CTNND2: variants seen among roughly 807,000 people sequenced by gnomAD.
The protein encoded by CTNND2 is catenin delta-2.
A neutral mutation model predicts 144.4 loss-of-function variants in CTNND2; 22 were observed. That is an observed-to-expected ratio of 0.15 (90% CI 0.11 to 0.22). CTNND2 has a LOEUF of 0.22. CTNND2 is among the 10% of genes least tolerant of loss of function. The probability of loss-of-function intolerance (pLI) is 1.00; values close to 1 mark genes in which losing one functional copy is unlikely to be tolerated. For missense variants in CTNND2, 1,353 were observed against 1,618.8 expected, an observed-to-expected ratio of 0.84 and a Z score of 2.82; for synonymous variants, 751 against 695.6, an observed-to-expected ratio of 1.08 and a Z score of -1.25.
At chr5:11,111,915 C>T (rs561795448) in intron 13 of CTNND2, among the ~76,000 whole-genome samples, 15 of 150,886 alleles carry the variant, frequency 9.9e-5, no homozygotes, top group African/African-American at 2.7e-4. Context: ...GGCGCGATCT[C>T]GGCTCACTGC....
At chr5:11,308,244 A>C (rs1750458076) in intron 9 of CTNND2, among the ~76,000 whole-genome samples, 1 of 151,520 alleles carries the variant, frequency 6.6e-6, no homozygotes, top group South Asian at 2.1e-4. Context: ...TTTTTAAAGC[A>C]AGCTATCTAT....
At chr5:11,754,720 T>A (rs1788828052) in intron 1 of CTNND2, among the ~76,000 whole-genome samples, 2 of 151,856 alleles carry the variant, frequency 1.3e-5, no homozygotes, top group African/African-American at 4.8e-5. Flanking sequence ...GCCCTTTTTG[T>A]CTGTTTTGAT....
At chr5:11,881,515 G>A (rs1329792438) in intron 1 of CTNND2, among the ~76,000 whole-genome samples, 2 of 151,884 alleles carry the variant, frequency 1.3e-5, no homozygotes, top group Non-Finnish European at 2.9e-5. Flanking sequence ...TCCCACATAT[G>A]AGTAAGAACA....
At chr5:11,602,573 C>G (rs1477160611) in intron 2 of CTNND2, among the ~76,000 whole-genome samples, 1 of 151,108 alleles carries the variant, frequency 6.6e-6, no homozygotes, top group Non-Finnish European at 1.5e-5. Flanking sequence ...ATGGAATAAC[C>G]TTACAATATT....
chr5:11,538,901 T>G (rs188020779), intron 3 of CTNND2, among the ~76,000 whole-genome samples: 2 of 152,290 alleles, frequency 1.3e-5, no homozygotes, highest in Non-Finnish European at 2.9e-5. Context: ...CACCTGGATG[T>G]CTATAATAAG....
intron 11 of CTNND2, among the ~76,000 whole-genome samples, chr5:11,193,676 G>C (rs935665833): frequency 6.6e-6 from 1 of 152,134 alleles, no homozygotes; most frequent in East Asian, 1.9e-4. Flanking sequence ...CATCAAGATA[G>C]AAGAAGAGCT....
intron 2 of CTNND2, among the ~76,000 whole-genome samples, chr5:11,705,253 T>C (rs1328707199): frequency 6.6e-6 from 1 of 152,136 alleles, no homozygotes; most frequent in Non-Finnish European, 1.5e-5. Flanking sequence ...TGCTACACAT[T>C]GTGTATGGAG....
intron 1 of CTNND2, among the ~76,000 whole-genome samples, chr5:11,770,620 C>T (rs571001591): frequency 4.6e-5 from 7 of 152,198 alleles, no homozygotes; most frequent in African/African-American, 1.7e-4. Context: ...TTCCTGCACC[C>T]CTTCCCCTGA....
intron 21 of CTNND2, among the ~76,000 whole-genome samples, chr5:10,976,991 C>T (rs983295484): frequency 3.9e-5 from 6 of 152,230 alleles, no homozygotes; most frequent in Non-Finnish European, 8.8e-5. Flanking sequence ...CCACTCCAGA[C>T]CTACTGAATC....
chr5:11,663,041 A>T (rs1050050177), intron 2 of CTNND2, among the ~76,000 whole-genome samples: 2 of 152,202 alleles, frequency 1.3e-5, no homozygotes, highest in African/African-American at 4.8e-5. Context: ...AAGGCACCAA[A>T]TGATTCCTAG....
At chr5:11,195,434 G>T (rs986013605) in intron 11 of CTNND2, among the ~76,000 whole-genome samples, 1 of 152,226 alleles carries the variant, frequency 6.6e-6, no homozygotes, top group African/African-American at 2.4e-5. Context: ...CAGGATTGCT[G>T]TGCAGGTCTG....
intron 12 of CTNND2, among the ~76,000 whole-genome samples, chr5:11,146,187 G>C (rs1226247687): frequency 2.0e-5 from 3 of 152,174 alleles, no homozygotes; most frequent in Non-Finnish European, 4.4e-5. Context: ...GCCTAGCAAA[G>C]TCCTGGGCAC....
At chr5:11,859,543 T>A (rs1795407070) in intron 1 of CTNND2, among the ~76,000 whole-genome samples, 1 of 152,054 alleles carries the variant, frequency 6.6e-6, no homozygotes, top group African/African-American at 2.4e-5. Context: ...GGACCTCTTA[T>A]CAGTCATTTT....
chr5:11,755,198 G>A (rs1317810391), intron 1 of CTNND2, among the ~76,000 whole-genome samples: 5 of 151,588 alleles, frequency 3.3e-5, no homozygotes, highest in Non-Finnish European at 1.5e-5. Context: ...CCTCATCTAC[G>A]AAGTTTAGTT....
chr5:11,601,500 C>A (rs1353449503), intron 2 of CTNND2, among the ~76,000 whole-genome samples: 1 of 151,900 alleles, frequency 6.6e-6, no homozygotes, highest in Non-Finnish European at 1.5e-5. Flanking sequence ...TTAATGTGGT[C>A]TATTTGAAAA....
intron 9 of CTNND2, among the ~76,000 whole-genome samples, chr5:11,334,216 C>T (rs757306753): frequency 4.6e-5 from 7 of 152,084 alleles, no homozygotes; most frequent in Admixed American, 3.9e-4. Flanking sequence ...GTTTTCACTG[C>T]AAAGAAATCA....
rs1561695926 is a variant in CTNND2, at chr5:11,689,023, A to G, written c.174+43113T>C. Reference sequence around the variant, plus strand: ...TGGGAACGAACAGTATCGATATCAAAGTTACTACTGGTAGTGCCTATTCTC... The same window carrying G: ...TGGGAACGAACAGTATCGATATCAAGGTTACTACTGGTAGTGCCTATTCTC... On this transcript the variant is annotated intron_variant, in intron 2 of 21. Coordinates refer to ENST00000304623, the MANE Select transcript of CTNND2 (RefSeq NM_001332.4). Among the ~76,000 whole-genome samples the G allele has an allele frequency of 3.3e-5, 5 of 152,200 alleles. No individual in the cohort carries two copies. The South Asian group carries it at 1.0e-3, about 32-fold the overall frequency.
intron 1 of CTNND2, among the ~76,000 whole-genome samples, chr5:11,850,484 T>C (rs1316244233): frequency 2.6e-5 from 4 of 152,220 alleles, no homozygotes; most frequent in Admixed American, 2.6e-4. Context: ...TTGTGAATAC[T>C]AGTAGTAATT....
chr5:11,837,214 A>T (rs72736662), intron 1 of CTNND2, among the ~76,000 whole-genome samples: 2,087 of 152,280 alleles, frequency 0.014, 21 homozygotes, highest in Middle Eastern at 0.034. Flanking sequence ...CATCTACCTC[A>T]AAGGACATGA....
Sources: gnomAD v4.1 joint callset for allele counts (sites outside exome capture counted in the v4.1 genomes callset) on GRCh38, gnomAD v4.1.1 for gene constraint, MANE v1.5 for transcripts, NCBI Gene and HGNC (gene_info 2026-07-23, HGNC 2026-07-21) for gene names.